GNL3L: variants seen among roughly 807,000 people sequenced by gnomAD.
The protein encoded by GNL3L is guanine nucleotide-binding protein-like 3-like protein.
Under a neutral mutation model 42.9 loss-of-function variants are expected in GNL3L, and 4 were observed. That is an observed-to-expected ratio of 0.09 (90% CI 0.05 to 0.21). GNL3L has a LOEUF of 0.21. GNL3L is among the 10% of genes least tolerant of loss of function. The pLI, the probability that GNL3L is intolerant of heterozygous loss-of-function variation, is 1.00. For missense variants in GNL3L, 412 were observed against 481.7 expected, an observed-to-expected ratio of 0.86 and a Z score of 1.36; for synonymous variants, 159 against 176.3, an observed-to-expected ratio of 0.90 and a Z score of 0.78.
chrX:54,603,780 G>T, intron 16 of GNL3L, among the ~76,000 whole-genome samples: 1 of 111,341 alleles, frequency 9.0e-6, no homozygotes, highest in East Asian at 2.8e-4. Flanking sequence ...TACTCTCTGG[G>T]TGAAGAATAC....
chrX:54,540,329 AGTT>A, intron 4 of GNL3L, 87 bp downstream of exon 4: 1 of 592,305 alleles, frequency 1.7e-6, no homozygotes, highest in Non-Finnish European at 2.9e-6. Context: ...CAAAGGCAAG[AGTT>A]GTTAGGGTTG....
At chrX:54,626,442 TAA>T (rs1431783794), downstream of GNL3L, among the ~76,000 whole-genome samples, 1 of 112,137 alleles carries the variant, frequency 8.9e-6, no homozygotes, top group African/African-American at 3.2e-5. Flanking sequence ...GATGGAAACT[TAA>T]GTTGATTCCA....
At chrX:54,579,333 A>G (rs1365019091) in intron 16 of GNL3L, among the ~76,000 whole-genome samples, 1 of 111,823 alleles carries the variant, frequency 8.9e-6, no homozygotes, top group Admixed American at 9.6e-5. Context: ...AAAGTTCTAT[A>G]ATGTTATATT....
rs1397639571 is a variant in GNL3L at position 54,564,468 on chromosome X, C to T, written c.*3866C>T. On this transcript the variant is annotated 3_prime_UTR_variant, in exon 16 of 16. Transcript: ENST00000360845. ...TGTCCAGGCTGGAGTGGTGCAGTGG[C>T]GTGATCTCGGTTCACTGCAACCTCC... Among the ~76,000 whole-genome samples, 2 of 93,908 alleles carry T rather than the reference C, an allele frequency of 2.1e-5. No homozygotes were observed. The highest frequency in any genetic ancestry group is 8.4e-5 in the African/African-American group (2 of 23,785). 81.5% of individuals were successfully genotyped at this position (93,908 alleles called of 115,157 possible). A position where few individuals can be genotyped will look rare whatever the true frequency, so the allele number is the denominator to read the frequency against.
At chrX:54,550,328 G>A (rs1460657216) in intron 9 of GNL3L, among the ~76,000 whole-genome samples, 1 of 110,305 alleles carries the variant, frequency 9.1e-6, no homozygotes, top group Non-Finnish European at 1.9e-5. Context: ...CTTCATGCAC[G>A]AGAGGTATAC....
At chrX:54,617,498 A>G (rs1398076833) in intron 16 of GNL3L, among the ~76,000 whole-genome samples, 2 of 111,667 alleles carry the variant, frequency 1.8e-5, no homozygotes, top group Non-Finnish European at 3.8e-5. Flanking sequence ...ATTTGTCACC[A>G]CATTTATCTC....
At chrX:54,579,838 T>C (rs954731551) in intron 16 of GNL3L, among the ~76,000 whole-genome samples, 9 of 111,663 alleles carry the variant, frequency 8.1e-5, no homozygotes, top group African/African-American at 9.7e-5. Flanking sequence ...CCACAACGCC[T>C]GGCTAATTTT....
intron 9 of GNL3L, among the ~76,000 whole-genome samples, chrX:54,549,218 G>C (rs1269344582): frequency 1.8e-5 from 2 of 111,435 alleles, no homozygotes; most frequent in East Asian, 5.7e-4. Context: ...TAGATACAGA[G>C]GAACACATAC....
At chrX:54,572,535 G>A (rs1323664853) in intron 16 of GNL3L, among the ~76,000 whole-genome samples, 3 of 112,125 alleles carry the variant, frequency 2.7e-5, no homozygotes, top group Admixed American at 9.4e-5. Flanking sequence ...CCTCCCAGAC[G>A]GGGTGGTGGC....
At chrX:54,592,131 G>C (rs1242367902) in intron 16 of GNL3L, among the ~76,000 whole-genome samples, 1 of 111,584 alleles carries the variant, frequency 9.0e-6, no homozygotes, top group Non-Finnish European at 1.9e-5. Flanking sequence ...TTGTCATATA[G>C]AAATGCTACT....
At chrX:54,644,156 G>A in the GNL3L span, among the ~76,000 whole-genome samples, 1 of 111,520 alleles carries the variant, frequency 9.0e-6, no homozygotes, top group Admixed American at 9.5e-5. Context: ...GGATAATATG[G>A]CAGTTCTAGT....
At chrX:54,567,646 C>CA (rs773348759), downstream of GNL3L, among the ~76,000 whole-genome samples, 1,471 of 76,379 alleles carry the variant, frequency 0.019, 54 homozygotes, top group Admixed American at 0.11. Flanking sequence ...AACTCCATCT[C>CA]AAAAAAAAAA....
At chrX:54,579,986 G>GTT (rs869217575) in intron 16 of GNL3L, among the ~76,000 whole-genome samples, 1,450 of 47,619 alleles carry the variant, frequency 0.03, 166 homozygotes, top group African/African-American at 0.11. Context: ...CCTAAAGTTT[G>GTT]TTTTTTTTTT....
chrX:54,551,251 C>T (rs765077095), intron 10 of GNL3L, among the ~76,000 whole-genome samples: 11 of 112,484 alleles, frequency 9.8e-5, no homozygotes, highest in African/African-American at 2.6e-4. Context: ...TTCCCATTAG[C>T]GCCTTGAAGC....
Position 54,563,647 on chromosome X carries a change from A to G in GNL3L, c.*3045A>G, listed in dbSNP as rs909097527. Among the ~76,000 whole-genome samples the G allele has an allele frequency of 9.2e-6, 1 of 108,987 alleles. No individual in the cohort carries two copies. Among genetic ancestry groups the G allele is most frequent in the Non-Finnish European group, 1.9e-5 (1 of 52,861 alleles). 94.6% of individuals were successfully genotyped at this position (108,987 alleles called of 115,157 possible). ...AAAAAAATACAAAGATTAGCTGGGC[A>G]TGGTGTCTCATGCCTGTAGTCCCAG... On this transcript the variant is annotated 3_prime_UTR_variant, in exon 16 of 16. Coordinates refer to ENST00000360845, the MANE Select transcript of GNL3L (RefSeq NM_001184819.2).
At chrX:54,585,826 T>C (rs1925776787) in intron 16 of GNL3L, among the ~76,000 whole-genome samples, 1 of 111,611 alleles carries the variant, frequency 9.0e-6, no homozygotes, top group Admixed American at 9.6e-5. Context: ...AGGTGTAAAG[T>C]TAGATTGTTT....
Position 54,608,435 on chromosome X carries a change from G to A in GNL3L, c.*46-12410G>A, listed in dbSNP as rs576293101. On this transcript the variant is annotated intron_variant, in intron 16 of 16. Coordinates refer to the GNL3L transcript ENST00000674498. ...TAAGTTCTTTAGTGGTGATTTGTGAGATTCTGGTGCACCCTTCACCCAAGT... is the reference window on the plus strand; with the variant it reads ...TAAGTTCTTTAGTGGTGATTTGTGAAATTCTGGTGCACCCTTCACCCAAGT... 1.2e-4 allele frequency among the ~76,000 whole-genome samples: 13 copies of A among 111,097 alleles called. No individual in the cohort carries two copies. The South Asian group carries it at 5.0e-3, about 43-fold the overall frequency.
intron 16 of GNL3L, among the ~76,000 whole-genome samples, chrX:54,574,649 G>C (rs1925610854): frequency 8.9e-6 from 1 of 112,125 alleles, no homozygotes; most frequent in Admixed American, 9.5e-5. Flanking sequence ...TATAGAATAA[G>C]TTGGGAAGTG....
At chrX:54,578,274 A>C (rs974616454) in intron 16 of GNL3L, among the ~76,000 whole-genome samples, 6 of 111,762 alleles carry the variant, frequency 5.4e-5, no homozygotes, top group Admixed American at 1.9e-4. Flanking sequence ...CTTGTAATGA[A>C]ATTCTGCTGG....
Sources: gnomAD v4.1 joint callset for allele counts (sites outside exome capture counted in the v4.1 genomes callset) on GRCh38, gnomAD v4.1.1 for gene constraint, MANE v1.5 for transcripts, NCBI Gene and HGNC (gene_info 2026-07-23, HGNC 2026-07-21) for gene names.